CDH18: variants seen among roughly 807,000 people sequenced by gnomAD.
CDH18 encodes cadherin 18, also known as cadherin-18.
A neutral mutation model predicts 67.9 loss-of-function variants in CDH18; 31 were observed. The ratio of observed to expected loss-of-function variants is 0.46; its 90% CI spans 0.34 to 0.62. The LOEUF (loss-of-function observed/expected upper bound fraction) is 0.62, where lower values mean the gene tolerates loss of function less well. CDH18 is among the 20% of genes least tolerant of loss of function. The pLI is 0.01. For synonymous variants in CDH18, 362 were observed against 347.2 expected, an observed-to-expected ratio of 1.04 and a Z score of -0.48; for missense variants, 890 against 975.5, an observed-to-expected ratio of 0.91 and a Z score of 1.17.
At chr5:20,010,570 C>T (rs1453470671) in intron 2 of CDH18, among the ~76,000 whole-genome samples, 1 of 152,122 alleles carries the variant, frequency 6.6e-6, no homozygotes, top group Non-Finnish European at 1.5e-5. Flanking sequence ...ATGAATATCT[C>T]ATAAAATTTT....
chr5:20,273,027 T>C (rs1479778077), intron 1 of CDH18, among the ~76,000 whole-genome samples: 1 of 152,098 alleles, frequency 6.6e-6, no homozygotes, highest in African/African-American at 2.4e-5. Context: ...TACTATATGC[T>C]GATAATCATT....
intron 3 of CDH18, among the ~76,000 whole-genome samples, chr5:19,763,402 G>C (rs1030889182): frequency 5.9e-5 from 9 of 152,264 alleles, no homozygotes; most frequent in African/African-American, 1.9e-4. Context: ...TGAAGTATAA[G>C]ACAAATGAGA....
chr5:20,488,098 G>A (rs1012920730), intron 1 of CDH18, among the ~76,000 whole-genome samples: 7 of 152,038 alleles, frequency 4.6e-5, no homozygotes, highest in African/African-American at 1.7e-4. Context: ...CTCCTGGGAA[G>A]ATTCTTTTTA....
At chr5:19,845,151 C>G in intron 2 of CDH18, among the ~76,000 whole-genome samples, 1 of 150,478 alleles carries the variant, frequency 6.6e-6, no homozygotes, top group Middle Eastern at 3.2e-3. Context: ...TTCTTTGTAT[C>G]CAGTTCATGG....
intron 2 of CDH18, among the ~76,000 whole-genome samples, chr5:19,963,972 G>C (rs1253044463): frequency 6.6e-6 from 1 of 151,856 alleles, no homozygotes; most frequent in Non-Finnish European, 1.5e-5. Context: ...TTAGCATAGG[G>C]GCAAGTGCCC....
At chr5:20,190,729 C>A (rs1386865167) in intron 2 of CDH18, among the ~76,000 whole-genome samples, 1 of 152,200 alleles carries the variant, frequency 6.6e-6, no homozygotes. Flanking sequence ...CCATTGACTC[C>A]TCCTAACCCA....
chr5:19,586,004 G>C (rs898833869), intron 7 of CDH18, among the ~76,000 whole-genome samples: 3 of 151,974 alleles, frequency 2.0e-5, no homozygotes, highest in African/African-American at 7.3e-5. Context: ...AGTTTCTTTA[G>C]CTATAAAGCG....
chr5:20,220,208 C>T (rs1196169035), intron 2 of CDH18, among the ~76,000 whole-genome samples: 1 of 151,892 alleles, frequency 6.6e-6, no homozygotes, highest in Non-Finnish European at 1.5e-5. Flanking sequence ...AACCATGTTA[C>T]CTGACATCAA....
At chr5:20,279,698 T>A (rs1320412130) in intron 1 of CDH18, among the ~76,000 whole-genome samples, 4 of 5,890 alleles carry the variant, frequency 6.8e-4, no homozygotes, top group Middle Eastern at 0.056. Context: ...AAGCTCTGTC[T>A]CAAAAAAAAA....
chr5:20,221,670 C>T (rs914795192), intron 2 of CDH18, among the ~76,000 whole-genome samples: 46 of 151,776 alleles, frequency 3.0e-4, no homozygotes, highest in African/African-American at 1.1e-3. Flanking sequence ...TGATGGATAC[C>T]CAATTTACCT....
chr5:20,458,816 ATATT>A (rs1320219011), intron 1 of CDH18, among the ~76,000 whole-genome samples: 3 of 152,176 alleles, frequency 2.0e-5, no homozygotes, highest in African/African-American at 7.2e-5. Flanking sequence ...ACTCCACTAA[ATATT>A]AATACAAACA....
intron 2 of CDH18, among the ~76,000 whole-genome samples, chr5:20,176,350 A>G (rs965315796): frequency 6.6e-6 from 1 of 152,210 alleles, no homozygotes. Context: ...CTTGTATTTA[A>G]TGACAAAGAA....
At chr5:19,781,384 C>T (rs1324177416) in intron 3 of CDH18, among the ~76,000 whole-genome samples, 3 of 151,832 alleles carry the variant, frequency 2.0e-5, no homozygotes, top group Non-Finnish European at 2.9e-5. Context: ...ACTAGCCCTA[C>T]AAAAGATATT....
chr5:20,335,862 A>G lies in CDH18; in HGVS notation c.-579-80357T>C, dbSNP rs575228313. On this transcript the variant is annotated intron_variant, in intron 1 of 14. Coordinates refer to the CDH18 transcript ENST00000507958. Reference sequence around the variant, plus strand: ...AACAAAGACATTAACACTACTTTTCATTGGTGTGTTACTTTACATTATGAA... The same window carrying G: ...AACAAAGACATTAACACTACTTTTCGTTGGTGTGTTACTTTACATTATGAA... 5.3e-5 allele frequency among the ~76,000 whole-genome samples: 8 copies of G among 152,344 alleles called. No individual in the cohort carries two copies. The South Asian group carries it at 1.2e-3, about 24-fold the overall frequency.
intron 3 of CDH18, among the ~76,000 whole-genome samples, chr5:19,827,127 C>T (rs145079545): frequency 1.1e-4 from 17 of 151,792 alleles, no homozygotes; most frequent in African/African-American, 4.1e-4. Context: ...ACAAAAAAGG[C>T]AAAAAGAAAA....
At chr5:19,701,489 A>C (rs2150478700) in intron 5 of CDH18, among the ~76,000 whole-genome samples, 1 of 152,188 alleles carries the variant, frequency 6.6e-6, no homozygotes, top group East Asian at 1.9e-4. Context: ...CAGAGTTATG[A>C]GGAATTTGGA....
intron 2 of CDH18, among the ~76,000 whole-genome samples, chr5:19,863,513 C>T (rs1785123531): frequency 6.6e-6 from 1 of 152,160 alleles, no homozygotes; most frequent in Non-Finnish European, 1.5e-5. Context: ...CCCCATGGTG[C>T]TGACACAGGG....
At chr5:20,034,280 T>A (rs1739648473) in intron 2 of CDH18, among the ~76,000 whole-genome samples, 1 of 152,062 alleles carries the variant, frequency 6.6e-6, no homozygotes, top group South Asian at 2.1e-4. Flanking sequence ...TAAGCAATTT[T>A]AAAAATTCCA....
chr5:19,837,964 T>C (rs1781869230), intron 3 of CDH18, among the ~76,000 whole-genome samples: 1 of 152,138 alleles, frequency 6.6e-6, no homozygotes, highest in Non-Finnish European at 1.5e-5. Flanking sequence ...TTCTCAATCC[T>C]AGAGCCTAGA....
Sources: allele counts gnomAD v4.1 joint callset (sites outside exome capture counted in the v4.1 genomes callset), GRCh38; gene constraint gnomAD v4.1.1; transcripts MANE v1.5; gene names NCBI Gene and HGNC (gene_info 2026-07-23, HGNC 2026-07-21).